CEP120: variants seen among roughly 807,000 people sequenced by gnomAD.
CEP120 encodes centrosomal protein of 120 kDa.
A neutral mutation model predicts 126.5 loss-of-function variants in CEP120; 113 were observed. The ratio of observed to expected loss-of-function variants is 0.89; its 90% CI spans 0.77 to 1.04. The LOEUF (loss-of-function observed/expected upper bound fraction) is 1.04. Among genes scored for constraint, CEP120 ranks in the 50% least tolerant of loss-of-function variants. CEP120 has a pLI of 0.00. For missense variants in CEP120, 1,230 were observed against 1,155.7 expected, an observed-to-expected ratio of 1.06 and a Z score of -0.93; for synonymous variants, 400 against 394.3, an observed-to-expected ratio of 1.01 and a Z score of -0.17.
intron 3 of CEP120, among the ~76,000 whole-genome samples, chr5:123,415,173 G>T (rs6595448): frequency 1.3e-5 from 2 of 151,778 alleles, no homozygotes; most frequent in Non-Finnish European, 2.9e-5. Flanking sequence ...GCAAGGAGCA[G>T]GAAGCAGGGA....
chr5:123,371,714 G>T (rs1770869184), intron 17 of CEP120, among the ~76,000 whole-genome samples: 2 of 152,056 alleles, frequency 1.3e-5, no homozygotes, highest in South Asian at 2.1e-4. Flanking sequence ...AGGAAGTAGA[G>T]AGAGATGGAA....
chr5:123,407,322 G>C (rs192830933), intron 4 of CEP120, among the ~76,000 whole-genome samples: 2 of 151,952 alleles, frequency 1.3e-5, no homozygotes, highest in African/African-American at 4.8e-5. Flanking sequence ...GATTGTCAGA[G>C]TGGACCAAAA....
intron 17 of CEP120, among the ~76,000 whole-genome samples, chr5:123,369,185 A>C (rs1359339619): frequency 2.0e-5 from 3 of 152,034 alleles, no homozygotes; most frequent in African/African-American, 7.2e-5. Flanking sequence ...TCTCCTACTT[A>C]AAACCTTTCA....
intron 6 of CEP120, among the ~76,000 whole-genome samples, chr5:123,392,832 C>A (rs548393681): frequency 6.6e-6 from 1 of 152,186 alleles, no homozygotes; most frequent in Non-Finnish European, 1.5e-5. Context: ...TAAATGGAGT[C>A]CAATTCAAAA....
chr5:123,344,893 G>T lies in CEP120; in HGVS notation c.*1626C>A, dbSNP rs1171485659. On this transcript the variant is annotated 3_prime_UTR_variant, in exon 20 of 20. Transcript: ENST00000306467. ...ACAGGCTGCTCAAGAACTCAGAGAT[G>T]CACACAATTATGATTTTATTTGTTA... 1 of 152,048 alleles carries T rather than the reference G, an allele frequency of 6.6e-6. No individual in the cohort carries two copies. The highest frequency in any genetic ancestry group is 1.5e-5 in the Non-Finnish European group (1 of 68,022). The allele number at this position is 152,048 out of a possible 1,614,324, so 9.4% of individuals were successfully genotyped here.
At chr5:123,354,558 T>C (rs944929478) in intron 18 of CEP120, among the ~76,000 whole-genome samples, 4 of 152,040 alleles carry the variant, frequency 2.6e-5, no homozygotes, top group African/African-American at 9.7e-5. Flanking sequence ...TTTATCTAAT[T>C]TGTTGCTGTG....
intron 2 of CEP120, among the ~76,000 whole-genome samples, chr5:123,417,264 C>A (rs1376541012): frequency 2.0e-5 from 3 of 151,814 alleles, no homozygotes; most frequent in Non-Finnish European, 4.4e-5. Flanking sequence ...ACTACTCTAG[C>A]AACAGAGGTA....
At chr5:123,402,592 T>C (rs1340454145) in intron 4 of CEP120, among the ~76,000 whole-genome samples, 1 of 152,084 alleles carries the variant, frequency 6.6e-6, no homozygotes, top group Non-Finnish European at 1.5e-5. Flanking sequence ...TTTCTATTTT[T>C]AGTAGAGAAG....
At chr5:123,362,285 AC>A (rs1475810339) in intron 18 of CEP120, among the ~76,000 whole-genome samples, 1 of 151,650 alleles carries the variant, frequency 6.6e-6, no homozygotes, top group Non-Finnish European at 1.5e-5. Flanking sequence ...GATGACCCCT[AC>A]CTCAGTACTC....
At chr5:123,390,984 C>A in intron 7 of CEP120, 126 bp downstream of exon 7, 2 of 688,910 alleles carry the variant, frequency 2.9e-6, no homozygotes, top group Non-Finnish European at 4.9e-6. Context: ...TATCATATAA[C>A]AAAGGTCACT....
Position 123,382,834 on chromosome 5 carries a change from G to C in CEP120, c.1916C>G (p.Ser639Ter). ...PSSLPPAPCP[S>*]EIQTEPRETL... Reference sequence around the variant, plus strand: ...TTCACGAGGCTCTGTCTGGATCTCTGAAGGACAAGGTGCTGGAGGAAGAGA... The same window carrying C: ...TTCACGAGGCTCTGTCTGGATCTCTCAAGGACAAGGTGCTGGAGGAAGAGA... Residue 639 changes from serine (S) to a stop codon, truncating the protein, a stop_gained, in exon 13 of 20, where the codon TCA (serine) becomes TGA (stop). Coordinates refer to ENST00000306467, the MANE Select transcript of CEP120 (RefSeq NM_001375405.1). LOFTEE classifies it high-confidence loss of function. 1 of 1,613,440 alleles carries C rather than the reference G, an allele frequency of 6.2e-7. No individual in the cohort carries two copies.
intron 4 of CEP120, among the ~76,000 whole-genome samples, chr5:123,410,713 T>A (rs933620332): frequency 6.6e-6 from 1 of 152,176 alleles, no homozygotes; most frequent in Admixed American, 6.5e-5. Flanking sequence ...AAATGTAAAC[T>A]GCAAAACTAT....
At chr5:123,372,852 T>C in intron 16 of CEP120, 80 bp from the exon 17 acceptor site, 1 of 1,162,926 alleles carries the variant, frequency 8.6e-7, no homozygotes, top group Non-Finnish European at 1.2e-6. Context: ...AACAAGGTCT[T>C]TTTTTTTATT....
intron 14 of CEP120, among the ~76,000 whole-genome samples, chr5:123,379,418 TAAA>T (rs1232817307): frequency 1.3e-5 from 2 of 152,112 alleles, no homozygotes; most frequent in East Asian, 3.9e-4. Flanking sequence ...TTATTTTATA[TAAA>T]AATCTTCATT....
intron 6 of CEP120, among the ~76,000 whole-genome samples, chr5:123,391,544 A>G (rs1377758977): frequency 6.6e-6 from 1 of 152,194 alleles, no homozygotes; most frequent in Non-Finnish European, 1.5e-5. Flanking sequence ...TAAAAACTCA[A>G]TAATAGCTAT....
chr5:123,386,561 C>T lies in CEP120; in HGVS notation c.1537G>A (p.Asp513Asn). The T allele has an allele frequency of 8.9e-6, 14 of 1,581,516 alleles. No homozygotes were observed. The highest frequency in any genetic ancestry group is 1.2e-5 in the Non-Finnish European group (14 of 1,164,882). Residue 513 changes from aspartate to asparagine, a missense_variant, in exon 10 of 20, where the codon GAT becomes AAT. Coordinates refer to ENST00000306467, the MANE Select transcript of CEP120 (RefSeq NM_001375405.1). ...AGCTGATGAGGCATAGTTGCAAAAT[C>T]AAATGCACAGTAAGACTGGGGAAGA... is the stretch of plus-strand genomic sequence containing the variant. ...VFLPQSYCAF[D>N]FATMPHQLQD...
At chr5:123,377,605 T>C in intron 15 of CEP120, 70 bp from the exon 16 acceptor site, 1 of 1,178,698 alleles carries the variant, frequency 8.5e-7, no homozygotes, top group Non-Finnish European at 1.2e-6. Context: ...TATTCCAATA[T>C]CTTTCTATAC....
At chr5:123,358,842 A>T (rs1363151833) in intron 18 of CEP120, among the ~76,000 whole-genome samples, 3 of 152,052 alleles carry the variant, frequency 2.0e-5, no homozygotes, top group Non-Finnish European at 2.9e-5. Flanking sequence ...ACATACATAC[A>T]CTAGACTAAA....
At chr5:123,364,617 C>T in intron 17 of CEP120, 23 bp from the exon 18 acceptor site, 1 of 1,410,160 alleles carries the variant, frequency 7.1e-7, no homozygotes, top group South Asian at 1.2e-5. Context: ...AAAATCATAT[C>T]AAGTGAAACA....
Sources: gnomAD v4.1 joint callset for allele counts (sites outside exome capture counted in the v4.1 genomes callset) on GRCh38, gnomAD v4.1.1 for gene constraint, MANE v1.5 for transcripts, NCBI Gene and HGNC (gene_info 2026-07-23, HGNC 2026-07-21) for gene names.